MTRR: variants seen among roughly 807,000 people sequenced by gnomAD.
MTRR encodes the protein 5-methyltetrahydrofolate-homocysteine methyltransferase reductase, also known as methionine synthase reductase.
MTRR carries 63 observed loss-of-function variants against 79.2 expected under a neutral mutation model. That is an observed-to-expected ratio of 0.80 (90% CI 0.65 to 0.98). MTRR has a LOEUF of 0.98. Among genes scored for constraint, MTRR ranks in the 50% least tolerant of loss-of-function variants. The pLI is 0.00. For synonymous variants in MTRR, 355 were observed against 313.3 expected, an observed-to-expected ratio of 1.13 and a Z score of -1.41; for missense variants, 895 against 839.6, an observed-to-expected ratio of 1.07 and a Z score of -0.82.
chr5:7,893,884 G>A (rs1483012421), intron 11 of MTRR, among the ~76,000 whole-genome samples: 1 of 152,120 alleles, frequency 6.6e-6, no homozygotes, highest in Non-Finnish European at 1.5e-5. Context: ...GCTTTATTGT[G>A]TTCTCTATAC....
intron 14 of MTRR, among the ~76,000 whole-genome samples, chr5:7,898,921 AT>A (rs1440320238): frequency 6.6e-6 from 1 of 152,162 alleles, no homozygotes; most frequent in Non-Finnish European, 1.5e-5. Context: ...AAGAAAAGAG[AT>A]TTAATGGGCT....
At chr5:7,896,516 A>G (rs1738541918) in intron 12 of MTRR, 1 of 336,622 alleles carries the variant, frequency 3.0e-6, no homozygotes, top group African/African-American at 2.1e-5. Flanking sequence ...TGCCTTTAAC[A>G]GCCCTGAGCC....
chr5:7,876,940 C>A (rs1197862095), intron 4 of MTRR, among the ~76,000 whole-genome samples: 1 of 152,176 alleles, frequency 6.6e-6, no homozygotes, highest in African/African-American at 2.4e-5. Context: ...TTACATGTAG[C>A]TGTTATTGTT....
At chr5:7,869,002 CG>C, upstream of MTRR, 1 of 1,039,488 alleles carries the variant, frequency 9.6e-7, no homozygotes, top group Non-Finnish European at 1.5e-6. Context: ...GCAATCACTC[CG>C]GGTGGTCGCG....
rs375954645 is a variant in MTRR, at chr5:7,883,127, T to C, written c.781-28T>C. The C allele has an allele frequency of 2.5e-6, 4 of 1,614,000 alleles. No individual in the cohort carries two copies. In the African/African-American group the frequency reaches 4.0e-5, roughly 16 times the overall value. ...AGAAGGGTATAATTGAAAATTGCAC[T>C]TACGTTTTGTCACATTTGTTTTTCA... On this transcript the variant is annotated intron_variant, in intron 5 of 14. Coordinates refer to ENST00000440940, the MANE Select transcript of MTRR (RefSeq NM_002454.3).
upstream of MTRR, chr5:7,867,551 A>G (rs760997118): frequency 2.5e-6 from 4 of 1,614,248 alleles, no homozygotes; most frequent in Non-Finnish European, 3.4e-6. Context: ...AGCAGTCACT[A>G]AACTAGTGTT....
intron 14 of MTRR, among the ~76,000 whole-genome samples, chr5:7,899,009 A>G (rs1739011379): frequency 6.6e-6 from 1 of 152,154 alleles, no homozygotes; most frequent in Admixed American, 6.5e-5. Flanking sequence ...CCACTCTGAC[A>G]GAAGGCAAAG....
chr5:7,868,935 A>G, upstream of MTRR: 1 of 667,142 alleles, frequency 1.5e-6, no homozygotes, highest in Non-Finnish European at 2.7e-6. Flanking sequence ...GGTCTTTGAC[A>G]CCCAGCCGGA....
chr5:7,899,283 A>G (rs1471374407), intron 14 of MTRR, among the ~76,000 whole-genome samples: 3 of 152,166 alleles, frequency 2.0e-5, no homozygotes. Flanking sequence ...AGTGAGTTAC[A>G]CTTCCTACCC....
chr5:7,890,304 T>A (rs183561455), intron 9 of MTRR: 201 of 985,394 alleles, frequency 2.0e-4, no homozygotes, highest in Admixed American at 1.6e-3. Context: ...AAGACCGTGT[T>A]GCTGAATGAG....
intron 5 of MTRR, among the ~76,000 whole-genome samples, chr5:7,881,685 G>A (rs1735628272): frequency 6.6e-6 from 1 of 152,088 alleles, no homozygotes; most frequent in Non-Finnish European, 1.5e-5. Flanking sequence ...TCCTGAGGAT[G>A]TCCCCTGGCT....
At chr5:7,854,502 C>T (rs1015196638) in intron 1 of MTRR, among the ~76,000 whole-genome samples, 1 of 152,130 alleles carries the variant, frequency 6.6e-6, no homozygotes, top group Non-Finnish European at 1.5e-5. Flanking sequence ...CTTAGAGTTC[C>T]ACATGGCTAG....
intron 1 of MTRR, among the ~76,000 whole-genome samples, chr5:7,854,049 C>CT (rs1201443612): frequency 1.3e-5 from 2 of 152,028 alleles, no homozygotes; most frequent in Non-Finnish European, 2.9e-5. Context: ...GCTTTAGTTC[C>CT]TTTTTTAAAA....
At chr5:7,851,161 G>GAA, upstream of MTRR, 1 of 1,056,886 alleles carries the variant, frequency 9.5e-7, no homozygotes, top group Non-Finnish European at 1.2e-6. Context: ...GGAAACCGCC[G>GAA]CCTGGCGACC....
At chr5:7,867,432 G>C (rs1747059409), upstream of MTRR, 4 of 1,614,058 alleles carry the variant, frequency 2.5e-6, no homozygotes, top group African/African-American at 1.3e-5. Flanking sequence ...AGAATACAAA[G>C]ATTGCGAACT....
chr5:7,864,142 C>T (rs79632358), upstream of MTRR, among the ~76,000 whole-genome samples: 2,275 of 152,144 alleles, frequency 0.015, 30 homozygotes, highest in Non-Finnish European at 0.024. Context: ...TGAGCCACTG[C>T]GCACGGCAAG....
In MTRR at chr5:7,893,203, G is replaced by T. The variant is rs963191201; in HGVS notation, c.1557+290G>T. 8 of 413,448 alleles carry T rather than the reference G, an allele frequency of 1.9e-5. No homozygotes were observed. In the Admixed American group the frequency reaches 3.1e-4, roughly 16 times the overall value. The allele number at this position is 413,448 out of a possible 1,614,324, so 25.6% of individuals were successfully genotyped here. On this transcript the variant is annotated intron_variant, in intron 11 of 14. Coordinates refer to ENST00000440940, the MANE Select transcript of MTRR (RefSeq NM_002454.3). Reference sequence around the variant, plus strand: ...TTATGTTGATATTCTTGGTACATTGGCCTGGGGAGGGGTGGAGAACTGTCT... The same window carrying T: ...TTATGTTGATATTCTTGGTACATTGTCCTGGGGAGGGGTGGAGAACTGTCT...
intron 4 of MTRR, 28 bp from the exon 5 acceptor site, chr5:7,877,916 T>C (rs1484854025): frequency 1.2e-6 from 2 of 1,608,998 alleles, no homozygotes; most frequent in African/African-American, 2.7e-5. Context: ...GGCATTTGTT[T>C]TGTTTTTCGT....
At chr5:7,868,198 TGGA>T, upstream of MTRR, 1 of 256,684 alleles carries the variant, frequency 3.9e-6, no homozygotes, top group South Asian at 1.9e-4. Flanking sequence ...AACGAGTATC[TGGA>T]AAAAAAAAAA....
Sources: gnomAD v4.1 joint callset for allele counts (sites outside exome capture counted in the v4.1 genomes callset) on GRCh38, gnomAD v4.1.1 for gene constraint, MANE v1.5 for transcripts, NCBI Gene and HGNC (gene_info 2026-07-23, HGNC 2026-07-21) for gene names.